The following TOP3A variants were observed in gnomAD, a reference collection of about 807,000 sequenced individuals.
The protein encoded by TOP3A is DNA topoisomerase III alpha.
A neutral mutation model predicts 111.3 loss-of-function variants in TOP3A; 64 were observed. The ratio of observed to expected loss-of-function variants is 0.57; its 90% CI spans 0.47 to 0.71. The LOEUF is 0.71. Ranked by LOEUF, TOP3A falls within the 30% of genes least tolerant of loss-of-function variation. The pLI is 0.00. For synonymous variants in TOP3A, 484 were observed against 485.1 expected (o/e 1.00, Z 0.03); for missense variants, 1,104 against 1,285.0 (o/e 0.86, Z 2.15).
chr17:18,278,408 C>A, intron 17 of TOP3A, 51 bp from the exon 18 acceptor site: 1 of 1,474,808 alleles, frequency 6.8e-7, no homozygotes, highest in East Asian at 2.3e-5. Context: ...ATGCCAGCTT[C>A]TCCTTAGTCC....
At chr17:18,298,887 A>T (rs1335735760) in intron 9 of TOP3A, among the ~76,000 whole-genome samples, 1 of 151,836 alleles carries the variant, frequency 6.6e-6, no homozygotes, top group Non-Finnish European at 1.5e-5. Flanking sequence ...CCACTCCCTA[A>T]TCTCAAGTAC....
chr17:18,286,274 C>T (rs1197708546), intron 13 of TOP3A, among the ~76,000 whole-genome samples: 2 of 148,484 alleles, frequency 1.3e-5, no homozygotes, highest in African/African-American at 2.5e-5. Context: ...GAAGCCGAAG[C>T]GGGCAGATCA....
intron 8 of TOP3A, 117 bp from the exon 9 acceptor site, chr17:18,299,750 G>T: frequency 1.1e-6 from 1 of 911,012 alleles, no homozygotes; most frequent in Non-Finnish European, 1.8e-6. Flanking sequence ...AGCTAAGCCC[G>T]CAGTGACAGC....
At chr17:18,286,828 A>G (rs1980135088) in intron 13 of TOP3A, among the ~76,000 whole-genome samples, 2 of 152,214 alleles carry the variant, frequency 1.3e-5, no homozygotes, top group African/African-American at 2.4e-5. Context: ...TATAATAGCC[A>G]AAGAGTAGAA....
At chr17:18,298,032 G>C (rs1481053979) in intron 9 of TOP3A, among the ~76,000 whole-genome samples, 1 of 147,808 alleles carries the variant, frequency 6.8e-6, no homozygotes, top group Non-Finnish European at 1.5e-5. Flanking sequence ...GTCTCTGCCC[G>C]GCCGCCCATC....
rs149535636 is a variant in TOP3A, at chr17:18,302,668, G to A, written c.555C>T (p.Ala185=). 4.9e-5 allele frequency: 79 copies of A among 1,614,026 alleles called. No individual in the cohort carries two copies. The African/African-American group carries it at 8.4e-4, about 17-fold the overall frequency. The change falls in exon 6 of 19, where the codon GCC becomes GCT. Residue 185 remains alanine (A), a synonymous_variant. Transcript: ENST00000321105. ...RARFSEITPH[A]VRTACENLTE... is the part of the protein sequence containing the mutation. Reference sequence around the variant, plus strand: ...TCAGGTTTTCACAAGCTGTCCTGACGGCATGGGGTGTGATCTCAGAGAATC... The same window carrying A: ...TCAGGTTTTCACAAGCTGTCCTGACAGCATGGGGTGTGATCTCAGAGAATC...
At position 18,281,143 on chromosome 17, in the gene TOP3A, C is replaced by T. The variant is rs139812075; in HGVS notation, c.2022-485G>A. Among the ~76,000 whole-genome samples the T allele has an allele frequency of 3.2e-3, 480 of 152,306 alleles. 5 individuals are homozygous for T. Among genetic ancestry groups the T allele is most frequent in the Non-Finnish European group, 3.5e-3 (240 of 68,032 alleles). ...ACACCCCACCCACTGCCCATCCATC[C>T]CATCCCGGTCTCTCCTGGCCAATGT... On this transcript the variant is annotated intron_variant, in intron 16 of 18. Coordinates refer to ENST00000321105, the MANE Select transcript of TOP3A (RefSeq NM_004618.5).
chr17:18,300,228 T>C (rs1432844833), intron 8 of TOP3A, among the ~76,000 whole-genome samples: 9 of 152,178 alleles, frequency 5.9e-5, no homozygotes, highest in African/African-American at 2.2e-4. Context: ...AATCCATCTC[T>C]ACTAAAAATA....
chr17:18,308,576 A>T (rs1981725887), intron 2 of TOP3A, 152 bp from the exon 3 acceptor site: 3 of 561,954 alleles, frequency 5.3e-6, no homozygotes, highest in African/African-American at 3.8e-5. Context: ...TTCAAAGCCA[A>T]AAGTCACAGG....
At position 18,295,176 on chromosome 17, in the gene TOP3A, G is replaced by A. The variant is rs1288055629; in HGVS notation, c.991-391C>T. ...AACTCCACATTTTTTTTTTTGAGAC[G>A]GAGTCTCGCCCTGTCGCCTAGGCTG... is the stretch of plus-strand genomic sequence containing the variant. On this transcript the variant is annotated intron_variant, in intron 9 of 18. Transcript: ENST00000321105. 7.9e-5 allele frequency among the ~76,000 whole-genome samples: 12 copies of A among 151,594 alleles called. No homozygotes were observed. In the East Asian group the frequency reaches 1.6e-3, roughly 20 times the overall value.
Position 18,274,588 on chromosome 17 carries a change from G to A in TOP3A, c.*214C>T. On this transcript the variant is annotated 3_prime_UTR_variant, in exon 19 of 19. Transcript: ENST00000321105. ...TTCAGCAGTGGCTATGGTCACTCCT[G>A]AGGCCTGGGAAGAGGGTCACTGTCC... 1 of 723,576 alleles carries A rather than the reference G, an allele frequency of 1.4e-6. No homozygotes were observed. Among genetic ancestry groups the A allele is most frequent in the Non-Finnish European group, 2.1e-6 (1 of 484,132 alleles). The allele number at this position is 723,576 out of a possible 1,614,324, so 44.8% of individuals were successfully genotyped here. A position where few individuals can be genotyped will look rare whatever the true frequency, so the allele number is the denominator to read the frequency against.
At position 18,278,078 on chromosome 17, in the gene TOP3A, G is replaced by A. The variant is rs1457228942; in HGVS notation, c.2424C>T (p.Ser808=). ...GGCCACAGTTGCAGGTCACAGAATT[G>A]CTTTCACCAGCAGCCGTGGGTGGTG... ...TLPPPTAAGE[S]NSVTCNCGQE... is the part of the protein sequence containing the mutation. The change falls in exon 18 of 19, where the codon AGC becomes AGT. Residue 808 remains serine (S), a synonymous_variant. Transcript: ENST00000321105. The A allele has an allele frequency of 6.2e-7, 1 of 1,614,254 alleles. No homozygotes were observed. The highest frequency in any genetic ancestry group is 1.1e-5 in the South Asian group (1 of 91,090).
At position 18,300,927 on chromosome 17, in the gene TOP3A, G is replaced by A. The variant is rs77611798; in HGVS notation, c.915+958C>T. 1.9e-4 allele frequency among the ~76,000 whole-genome samples: 29 copies of A among 152,314 alleles called. 1 individual carries two copies. In the East Asian group the frequency reaches 5.6e-3, roughly 29 times the overall value. Reference sequence around the variant, plus strand: ...TGCCATGTACAGCTCTCACGTGTCTGTGGGTTAAGTCTCTTCACTTTCTTT... The same window carrying A: ...TGCCATGTACAGCTCTCACGTGTCTATGGGTTAAGTCTCTTCACTTTCTTT... On this transcript the variant is annotated intron_variant, in intron 8 of 18. Transcript: ENST00000321105.
chr17:18,295,005 G>A (rs919200491), intron 9 of TOP3A, among the ~76,000 whole-genome samples: 2 of 152,178 alleles, frequency 1.3e-5, no homozygotes, highest in Admixed American at 6.5e-5. Flanking sequence ...GGACTCAACT[G>A]GGAAGCCAGC....
chr17:18,283,144 C>T (rs1043688001), intron 15 of TOP3A, among the ~76,000 whole-genome samples: 8 of 152,110 alleles, frequency 5.3e-5, no homozygotes, highest in African/African-American at 1.9e-4. Context: ...CCGAGGCGGG[C>T]GGATCACCTG....
In TOP3A at chr17:18,283,603, C is replaced by T. The variant is rs570155274; in HGVS notation, c.1878-762G>A. On this transcript the variant is annotated intron_variant, in intron 15 of 18. Coordinates refer to ENST00000321105, the MANE Select transcript of TOP3A (RefSeq NM_004618.5). ...ACTCTCCCGCCACACACCAGTTGGACATCCTCTAATTCAATTCAATTCTGA... is the reference window on the plus strand; with the variant it reads ...ACTCTCCCGCCACACACCAGTTGGATATCCTCTAATTCAATTCAATTCTGA... Among the ~76,000 whole-genome samples the T allele has an allele frequency of 1.4e-3, 217 of 152,272 alleles. 1 individual carries two copies. The highest frequency in any genetic ancestry group is 2.6e-3 in the Non-Finnish European group (178 of 68,028).
chr17:18,307,971 G>A (rs1981685483), intron 3 of TOP3A, among the ~76,000 whole-genome samples: 1 of 149,164 alleles, frequency 6.7e-6, no homozygotes, highest in Non-Finnish European at 1.5e-5. Flanking sequence ...CAGCACTTCA[G>A]GAGGCTGAGG....
intron 18 of TOP3A, among the ~76,000 whole-genome samples, chr17:18,277,202 AAAAAG>A (rs1979431838): frequency 6.6e-6 from 1 of 151,696 alleles, no homozygotes; most frequent in Non-Finnish European, 1.5e-5. Context: ...AAAAAAAAAA[AAAAAG>A]AAATGAGGCT....
intron 15 of TOP3A, 79 bp from the exon 16 acceptor site, chr17:18,282,920 A>G (rs1181288381): frequency 1.0e-5 from 16 of 1,564,360 alleles, no homozygotes; most frequent in African/African-American, 6.7e-5. Context: ...CATGCACACA[A>G]CAGGCGTGAC....
Sources: gnomAD v4.1 joint callset for allele counts (sites outside exome capture counted in the v4.1 genomes callset) on GRCh38, gnomAD v4.1.1 for gene constraint, MANE v1.5 for transcripts, NCBI Gene and HGNC (gene_info 2026-07-23, HGNC 2026-07-21) for gene names.